The following STK3 variants were observed in gnomAD, a reference collection of about 807,000 sequenced individuals.
STK3 encodes the protein serine/threonine-protein kinase 3.
A neutral mutation model predicts 58.0 loss-of-function variants in STK3; 41 were observed. The ratio of observed to expected loss-of-function variants is 0.71; its 90% CI spans 0.55 to 0.92. The LOEUF is 0.92. STK3 is among the 40% of genes least tolerant of loss of function. The pLI, the probability that STK3 is intolerant of heterozygous loss-of-function variation, is 0.00. For synonymous variants in STK3, 170 were observed against 191.0 expected, an observed-to-expected ratio of 0.89 and a Z score of 0.91; for missense variants, 479 against 602.7, an observed-to-expected ratio of 0.79 and a Z score of 2.15.
At chr8:98,847,001 C>A (rs985292265) in intron 3 of STK3, among the ~76,000 whole-genome samples, 2 of 152,114 alleles carry the variant, frequency 1.3e-5, no homozygotes, top group Admixed American at 6.6e-5. Flanking sequence ...ATCTAGTCAC[C>A]ATATTGTGCT....
At chr8:98,746,245 C>A (rs1003197064) in intron 4 of STK3, among the ~76,000 whole-genome samples, 2 of 152,124 alleles carry the variant, frequency 1.3e-5, no homozygotes, top group African/African-American at 4.8e-5. Context: ...GTTCAAATAA[C>A]CTCTATCACG....
At chr8:98,825,879 CGCCG>C (rs1429109492), upstream of STK3, among the ~76,000 whole-genome samples, 10 of 21,322 alleles carry the variant, frequency 4.7e-4, 3 homozygotes, top group African/African-American at 2.2e-3. Flanking sequence ...CCCCCGGCCG[CGCCG>C]GCCGCCAGCC....
intron 3 of STK3, among the ~76,000 whole-genome samples, chr8:98,756,154 A>T (rs1261813153): frequency 6.6e-6 from 1 of 151,960 alleles, no homozygotes; most frequent in Non-Finnish European, 1.5e-5. Context: ...AAAAAAAAAG[A>T]AAAATTAAAA....
intron 6 of STK3, among the ~76,000 whole-genome samples, chr8:98,609,223 A>G (rs953448878): frequency 1.3e-5 from 2 of 152,248 alleles, no homozygotes; most frequent in Non-Finnish European, 2.9e-5. Context: ...ATAAGAGTGA[A>G]ACTTTACTAA....
chr8:98,742,349 C>T (rs1483759692), intron 4 of STK3, among the ~76,000 whole-genome samples: 4 of 144,708 alleles, frequency 2.8e-5, no homozygotes, highest in African/African-American at 1.0e-4. Flanking sequence ...ACTGGCAAAA[C>T]GAATCCAGCA....
chr8:98,807,456 C>T (rs1304581855), intron 1 of STK3, among the ~76,000 whole-genome samples: 2 of 152,058 alleles, frequency 1.3e-5, no homozygotes, highest in African/African-American at 2.4e-5. Context: ...TGGGGTTTCG[C>T]CATGTTGGCC....
chr8:98,527,764 G>A (rs1021215169), intron 9 of STK3, among the ~76,000 whole-genome samples: 2 of 151,496 alleles, frequency 1.3e-5, no homozygotes, highest in African/African-American at 4.9e-5. Context: ...CCATGGCTTC[G>A]CCTGCCACAC....
At chr8:98,681,007 T>A (rs1469273795) in intron 6 of STK3, among the ~76,000 whole-genome samples, 1 of 149,556 alleles carries the variant, frequency 6.7e-6, no homozygotes, top group Admixed American at 6.8e-5. Context: ...TTTGGTGTTG[T>A]TGTTGTTTTG....
intron 8 of STK3, among the ~76,000 whole-genome samples, chr8:98,562,858 A>G (rs1200374335): frequency 1.3e-5 from 2 of 150,920 alleles, no homozygotes; most frequent in Non-Finnish European, 2.9e-5. Context: ...ACAGTGAGCT[A>G]TGTTTGTGCC....
At chr8:98,582,329 AAT>A (rs993883472) in intron 7 of STK3, among the ~76,000 whole-genome samples, 3 of 151,324 alleles carry the variant, frequency 2.0e-5, no homozygotes, top group Non-Finnish European at 2.9e-5. Flanking sequence ...GCCTGACATA[AAT>A]ATATATATAT....
chr8:98,755,431 C>T (rs769351440), intron 3 of STK3, among the ~76,000 whole-genome samples: 29 of 152,166 alleles, frequency 1.9e-4, no homozygotes, highest in Non-Finnish European at 3.2e-4. Context: ...TTTGTATTCA[C>T]CATTTCTGCA....
At chr8:98,606,964 G>A (rs1816824085) in intron 6 of STK3, among the ~76,000 whole-genome samples, 1 of 152,200 alleles carries the variant, frequency 6.6e-6, no homozygotes, top group Non-Finnish European at 1.5e-5. Context: ...CAAATTAAGT[G>A]TAGCTGGTAT....
intron 10 of STK3, among the ~76,000 whole-genome samples, chr8:98,510,045 G>A (rs1280185758): frequency 2.6e-5 from 4 of 151,950 alleles, no homozygotes; most frequent in Admixed American, 2.0e-4. Flanking sequence ...AAAAAGAAAA[G>A]TTCTAAGCTT....
intron 1 of STK3, among the ~76,000 whole-genome samples, chr8:98,790,276 A>C (rs1042311713): frequency 6.6e-6 from 1 of 152,212 alleles, no homozygotes; most frequent in African/African-American, 2.4e-5. Context: ...AAAATCCTTA[A>C]CAAAATACTA....
chr8:98,614,989 A>G (rs1181053089), intron 6 of STK3, among the ~76,000 whole-genome samples: 1 of 152,204 alleles, frequency 6.6e-6, no homozygotes, highest in African/African-American at 2.4e-5. Context: ...TGCCTCTGTA[A>G]GCTCCACGTC....
At chr8:98,581,263 G>A (rs1813858832) in intron 7 of STK3, among the ~76,000 whole-genome samples, 1 of 152,136 alleles carries the variant, frequency 6.6e-6, no homozygotes, top group Admixed American at 6.5e-5. Context: ...GTGGGAAGTA[G>A]TCTCATTTTA....
intron 1 of STK3, among the ~76,000 whole-genome samples, chr8:98,785,965 C>A (rs532765299): frequency 2.6e-5 from 4 of 152,246 alleles, no homozygotes; most frequent in African/African-American, 9.6e-5. Flanking sequence ...ATGAAAAAAT[C>A]TGAATGTAGT....
chr8:98,760,876 G>A (rs1417509197), intron 3 of STK3, among the ~76,000 whole-genome samples: 1 of 151,500 alleles, frequency 6.6e-6, no homozygotes, highest in Admixed American at 6.6e-5. Context: ...AAAAAAAAAT[G>A]AGAAAAACCA....
At chr8:98,609,904 G>A (rs1817057330) in intron 6 of STK3, among the ~76,000 whole-genome samples, 1 of 151,130 alleles carries the variant, frequency 6.6e-6, no homozygotes, top group South Asian at 2.1e-4. Context: ...AGCTTGCAGT[G>A]AGCCGAGATC....
Sources: allele counts gnomAD v4.1 joint callset (sites outside exome capture counted in the v4.1 genomes callset), GRCh38; gene constraint gnomAD v4.1.1; transcripts MANE v1.5; gene names NCBI Gene and HGNC (gene_info 2026-07-23, HGNC 2026-07-21).